Variants in DAPK2 observed in about 807,000 individuals in gnomAD.
The protein encoded by DAPK2 is death associated protein kinase 2.
In DAPK2, 35 loss-of-function variants were observed where a neutral mutation model predicts 44.1. That is an observed-to-expected ratio of 0.79 (90% CI 0.61 to 1.05). DAPK2 has a LOEUF of 1.05. DAPK2 is among the 50% of genes least tolerant of loss of function. DAPK2 has a pLI of 0.00. For synonymous variants in DAPK2, 174 were observed against 182.6 expected (o/e 0.95, Z 0.38); for missense variants, 453 against 483.2 (o/e 0.94, Z 0.59).
rs1323981939 is a variant in DAPK2, at chr15:63,931,497, T to A, written c.584-1042A>T. Among the ~76,000 whole-genome samples, 3 of 152,040 alleles carry A rather than the reference T, an allele frequency of 2.0e-5. No individual in the cohort carries two copies. The East Asian group carries it at 5.8e-4, about 29-fold the overall frequency. ...GACCAGTCATGTCAGTGCTGGAAAG[T>A]GATGAAGAAGAAGGCAGAGAAGAAC... On this transcript the variant is annotated intron_variant, in intron 4 of 10. Transcript: ENST00000261891.
intron 8 of DAPK2, chr15:63,921,623 C>T (rs1471921315): frequency 6.6e-6 from 1 of 152,230 alleles, no homozygotes. Context: ...ACCATGTGGC[C>T]TTGCGCTTCC....
chr15:64,002,355 A>G (rs1299115286), intron 1 of DAPK2, among the ~76,000 whole-genome samples: 1 of 152,246 alleles, frequency 6.6e-6, no homozygotes, highest in Non-Finnish European at 1.5e-5. Context: ...TACATGCTCT[A>G]GCAATAAACA....
intron 10 of DAPK2, chr15:63,911,232 A>T (rs2078782570): frequency 6.6e-6 from 1 of 151,304 alleles, no homozygotes; most frequent in African/African-American, 2.5e-5. Context: ...CAAACAAAAA[A>T]AAAAAAAAAA....
chr15:63,998,940 C>T (rs2079017117), intron 1 of DAPK2, among the ~76,000 whole-genome samples: 3 of 152,234 alleles, frequency 2.0e-5, no homozygotes. Flanking sequence ...AAGAAGGCAG[C>T]TTCCTCGCAA....
upstream of DAPK2, among the ~76,000 whole-genome samples, chr15:64,043,310 T>C (rs1056501290): frequency 2.6e-5 from 4 of 152,188 alleles, no homozygotes; most frequent in African/African-American, 9.7e-5. Context: ...GTTAGAATGG[T>C]CACTGCAATA....
intron 1 of DAPK2, among the ~76,000 whole-genome samples, chr15:64,002,096 G>C (rs1248560769): frequency 6.6e-6 from 1 of 152,178 alleles, no homozygotes; most frequent in South Asian, 2.1e-4. Flanking sequence ...TCCTTGGGAG[G>C]CTCATGGGGA....
intron 1 of DAPK2, among the ~76,000 whole-genome samples, chr15:64,028,006 GA>G (rs979330404): frequency 2.0e-5 from 3 of 150,936 alleles, no homozygotes; most frequent in African/African-American, 7.4e-5. Flanking sequence ...AGAATATTAT[GA>G]AGTTAGCAGA....
At chr15:64,025,792 T>C (rs2141109782) in intron 1 of DAPK2, among the ~76,000 whole-genome samples, 1 of 152,148 alleles carries the variant, frequency 6.6e-6, no homozygotes, top group African/African-American at 2.4e-5. Flanking sequence ...AATAATTGAG[T>C]TTTATTTTGT....
chr15:64,035,162 C>T (rs2080143833), intron 1 of DAPK2, among the ~76,000 whole-genome samples: 1 of 142,972 alleles, frequency 7.0e-6, no homozygotes, highest in Non-Finnish European at 1.5e-5. Flanking sequence ...AATGAGGCTC[C>T]ATCTCAAAAA....
chr15:63,908,384 G>A lies in DAPK2; in HGVS notation c.*136C>T. On this transcript the variant is annotated 3_prime_UTR_variant, in exon 11 of 11. Coordinates refer to ENST00000261891, the Ensembl canonical transcript of DAPK2. The surrounding 1 kb of genome is among the most constrained non-coding windows in gnomAD (Gnocchi z 5.7). Reference sequence around the variant, plus strand: ...TCCTGGCTTGCCTGCAAGCTCTTCTGAATTCCTTGGGCCCATCTCTCTTGC... The same window carrying A: ...TCCTGGCTTGCCTGCAAGCTCTTCTAAATTCCTTGGGCCCATCTCTCTTGC... The A allele has an allele frequency of 2.2e-6, 1 of 462,946 alleles. No homozygotes were observed. The highest frequency in any genetic ancestry group is 3.7e-6 in the Non-Finnish European group (1 of 267,216). The allele number at this position is 462,946 out of a possible 1,614,324, so 28.7% of individuals were successfully genotyped here.
chr15:63,971,070 T>A (rs1442366552), intron 3 of DAPK2, among the ~76,000 whole-genome samples: 1 of 152,176 alleles, frequency 6.6e-6, no homozygotes, highest in African/African-American at 2.4e-5. Flanking sequence ...TTTCTAGTTT[T>A]TTGTTACTGA....
chr15:64,000,461 T>C (rs907429712), intron 1 of DAPK2, among the ~76,000 whole-genome samples: 3 of 152,176 alleles, frequency 2.0e-5, no homozygotes, highest in Non-Finnish European at 2.9e-5. Context: ...CCCTAAAGTA[T>C]AGGCTCTGAA....
intron 7 of DAPK2, among the ~76,000 whole-genome samples, 199 bp from the exon 9 acceptor site, chr15:63,925,060 C>A (rs773740572): frequency 1.2e-4 from 19 of 152,210 alleles, no homozygotes; most frequent in African/African-American, 4.6e-4. Flanking sequence ...TCCAGACAGA[C>A]CCCTCAATAG....
upstream of DAPK2, among the ~76,000 whole-genome samples, chr15:64,040,656 A>G (rs530241286): frequency 3.9e-5 from 6 of 152,258 alleles, no homozygotes; most frequent in African/African-American, 1.4e-4. Flanking sequence ...CACAACTGTA[A>G]TCCCAGCACT....
At chr15:64,004,485 C>T (rs2079175770) in intron 1 of DAPK2, among the ~76,000 whole-genome samples, 1 of 152,196 alleles carries the variant, frequency 6.6e-6, no homozygotes, top group Admixed American at 6.5e-5. Flanking sequence ...TATGGCTTGC[C>T]TCATGCTGAT....
chr15:64,041,512 G>A (rs150508796), upstream of DAPK2, among the ~76,000 whole-genome samples: 826 of 152,308 alleles, frequency 5.4e-3, 10 homozygotes, highest in African/African-American at 0.019. Flanking sequence ...AGAGCAGGGC[G>A]CAGGGCACAG....
At chr15:64,046,392 A>ACGCGGCGGGCGCGGCGGGCG (rs2080469427), upstream of DAPK2, 3 of 288,300 alleles carry the variant, frequency 1.0e-5, no homozygotes, top group African/African-American at 4.8e-5. This position sits in a 1 kb window ranked among gnomAD's most constrained non-coding sequence, Gnocchi z 5.3. Context: ...CGCGGCGGGA[A>ACGCGGCGGGCGCGGCGGGCG]CGGGGGACGC....
intron 4 of DAPK2, 80 bp from the exon 6 acceptor site, chr15:63,930,535 G>A (rs1437923790): frequency 7.5e-7 from 1 of 1,334,066 alleles, no homozygotes; most frequent in Non-Finnish European, 1.1e-6. Flanking sequence ...TAGGGAATTT[G>A]GTGCCAAATA....
chr15:63,909,433 A>T (rs1336494266), intron 10 of DAPK2: 4 of 151,294 alleles, frequency 2.6e-5, no homozygotes, highest in Non-Finnish European at 5.9e-5. Flanking sequence ...CTTTGAGCTG[A>T]TGGTGCTTGC....
Sources: gnomAD v4.1 joint callset for allele counts (sites outside exome capture counted in the v4.1 genomes callset) on GRCh38, gnomAD v4.1.1 for gene constraint, Gnocchi (gnomAD v3.1) non-coding constraint, MANE v1.5 for transcripts, NCBI Gene and HGNC (gene_info 2026-07-23, HGNC 2026-07-21) for gene names.